MTUS2: variants seen among roughly 807,000 people sequenced by gnomAD.
The protein encoded by MTUS2 is microtubule associated scaffold protein 2.
Under a neutral mutation model 114.1 loss-of-function variants are expected in MTUS2, and 40 were observed. The observed-to-expected ratio is 0.35, with a 90% confidence interval of 0.27 to 0.46. The LOEUF is 0.46. Ranked by LOEUF, MTUS2 falls within the 20% of genes least tolerant of loss-of-function variation. MTUS2 has a pLI of 1.00. For missense variants in MTUS2, 1,679 were observed against 1,705.4 expected, an observed-to-expected ratio of 0.98 and a Z score of 0.27; for synonymous variants, 688 against 672.0, an observed-to-expected ratio of 1.02 and a Z score of -0.37.
chr13:29,031,272 T>TGTGTGTGTGTG (rs1593400903), intron 3 of MTUS2, among the ~76,000 whole-genome samples: 5 of 134,296 alleles, frequency 3.7e-5, no homozygotes, highest in South Asian at 5.0e-4. Context: ...GTGTGTGTGG[T>TGTGTGTGTGTG]GTGTGTTCAC....
chr13:28,846,672 A>G (rs1485491937), intron 2 of MTUS2, among the ~76,000 whole-genome samples: 1 of 152,234 alleles, frequency 6.6e-6, no homozygotes, highest in Admixed American at 6.5e-5. Flanking sequence ...TGCATTCAGA[A>G]AACAAAGTAG....
chr13:28,926,957 A>C (rs1881359759), intron 2 of MTUS2, among the ~76,000 whole-genome samples: 2 of 152,202 alleles, frequency 1.3e-5, no homozygotes, highest in South Asian at 4.1e-4. Context: ...TTTTTTGGCC[A>C]ATGTGGGCAT....
At chr13:29,035,536 A>C (rs1887022223) in intron 4 of MTUS2, among the ~76,000 whole-genome samples, 1 of 152,196 alleles carries the variant, frequency 6.6e-6, no homozygotes. Flanking sequence ...GCTTTGCTAG[A>C]ATCCCTGGTG....
chr13:29,359,129 C>A (rs989788188), intron 7 of MTUS2, 133 bp from the exon 8 acceptor site: 8 of 861,418 alleles, frequency 9.3e-6, no homozygotes, highest in Non-Finnish European at 1.4e-5. Context: ...TCTTTTCAAT[C>A]CTTAAAAATG....
At chr13:29,251,537 A>G (rs562199484) in intron 5 of MTUS2, among the ~76,000 whole-genome samples, 3 of 152,106 alleles carry the variant, frequency 2.0e-5, no homozygotes, top group African/African-American at 7.2e-5. Flanking sequence ...TCATCATCCA[A>G]AACAGAAACT....
At chr13:29,482,257 G>A (rs570640763) in intron 10 of MTUS2, 1 of 152,252 alleles carries the variant, frequency 6.6e-6, no homozygotes, top group Non-Finnish European at 1.5e-5. Flanking sequence ...GCTGAGGGGA[G>A]CATCTCCACT....
rs1169875500 is a variant in MTUS2, at chr13:28,891,858, C to CAAA, written c.-243+52030_-243+52032dup. Among the ~76,000 whole-genome samples the CAAA allele has an allele frequency of 1.3e-3, 67 of 52,106 alleles. 1 individual carries two copies. The highest frequency in any genetic ancestry group is 0.012 in the Middle Eastern group (1 of 86). The allele number at this position is 52,106 out of a possible 152,430, so 34.2% of individuals were successfully genotyped here. On this transcript the variant is annotated intron_variant, in intron 2 of 15. Transcript: ENST00000612955. ...ACGCCACTGCACAGAGACTCTGTCTCAAAAAAAAAAAAAAAAAAAAAAAAG... is the reference window on the plus strand; with the variant it reads ...ACGCCACTGCACAGAGACTCTGTCTCAAAAAAAAAAAAAAAAAAAAAAAAAAAG...
At chr13:28,966,882 T>G (rs1883620974) in intron 2 of MTUS2, among the ~76,000 whole-genome samples, 1 of 152,192 alleles carries the variant, frequency 6.6e-6, no homozygotes, top group Admixed American at 6.5e-5. Context: ...CAGTGTTTCT[T>G]GATTTGAGGG....
intron 2 of MTUS2, among the ~76,000 whole-genome samples, chr13:28,998,783 T>C (rs1885241897): frequency 6.6e-6 from 1 of 152,202 alleles, no homozygotes; most frequent in Non-Finnish European, 1.5e-5. Flanking sequence ...ATTCTAGTTA[T>C]CTATTCGTCT....
At chr13:29,018,061 G>T (rs909346019) in intron 2 of MTUS2, among the ~76,000 whole-genome samples, 6 of 152,314 alleles carry the variant, frequency 3.9e-5, no homozygotes, top group Admixed American at 3.3e-4. Flanking sequence ...CCTGTTTGGT[G>T]GGGGAAGGGA....
At chr13:28,883,938 G>A (rs1878440295) in intron 2 of MTUS2, among the ~76,000 whole-genome samples, 1 of 152,088 alleles carries the variant, frequency 6.6e-6, no homozygotes. Flanking sequence ...TGCATTGGCT[G>A]GGGGGAATGT....
chr13:29,200,102 G>C (rs1344520017), intron 5 of MTUS2, among the ~76,000 whole-genome samples: 2 of 151,086 alleles, frequency 1.3e-5, no homozygotes, highest in Admixed American at 6.6e-5. Context: ...ATTCTGGCTA[G>C]TGGTCTGTCT....
rs771394056 is a variant in MTUS2, at chr13:29,488,021, G to A, written c.3505+16G>A. 8.8e-6 allele frequency: 14 copies of A among 1,593,364 alleles called. No individual in the cohort carries two copies. In the African/African-American group the frequency reaches 9.4e-5, roughly 11 times the overall value. On this transcript the variant is annotated intron_variant, in intron 11 of 15. Coordinates refer to ENST00000612955, the MANE Select transcript of MTUS2 (RefSeq NM_001033602.4). Reference sequence around the variant, plus strand: ...AAAGTCCAAGGTAGCTCCCAGCCTCGTGTGCAGCAGGCAGGGGTGGGTGGT... The same window carrying A: ...AAAGTCCAAGGTAGCTCCCAGCCTCATGTGCAGCAGGCAGGGGTGGGTGGT...
At chr13:28,856,522 C>T (rs988815382) in intron 2 of MTUS2, among the ~76,000 whole-genome samples, 5 of 152,140 alleles carry the variant, frequency 3.3e-5, no homozygotes, top group African/African-American at 1.2e-4. Context: ...CTTGGAAGCC[C>T]AAGCGATAAT....
intron 2 of MTUS2, among the ~76,000 whole-genome samples, chr13:28,861,507 A>G (rs1228864801): frequency 6.7e-6 from 1 of 149,704 alleles, no homozygotes; most frequent in South Asian, 2.1e-4. Flanking sequence ...ATTAAACGAG[A>G]TGATTTTGCA....
In MTUS2 at chr13:29,426,376, G is replaced by A. The variant is rs137865064; in HGVS notation, c.3118-13607G>A. On this transcript the variant is annotated intron_variant, in intron 8 of 15. Transcript: ENST00000612955. ...CTGCTTTAGCCCCATTGTAAGTCAA[G>A]GAGTTTTCTGAATGTGTTACGCCAT... Among the ~76,000 whole-genome samples, 44 of 152,290 alleles carry A rather than the reference G, an allele frequency of 2.9e-4. No individual in the cohort carries two copies. In the East Asian group the frequency reaches 7.3e-3, roughly 25 times the overall value.
At chr13:29,451,857 G>A (rs1023823108) in intron 9 of MTUS2, among the ~76,000 whole-genome samples, 1 of 152,156 alleles carries the variant, frequency 6.6e-6, no homozygotes, top group African/African-American at 2.4e-5. Flanking sequence ...CCAAAGTGCT[G>A]GGATTATAGG....
chr13:29,384,824 G>A (rs148255515), intron 8 of MTUS2, among the ~76,000 whole-genome samples: 1,730 of 152,280 alleles, frequency 0.011, 24 homozygotes, highest in Middle Eastern at 0.02. Flanking sequence ...GCCTGTCTTA[G>A]TTTAAACTGC....
intron 8 of MTUS2, among the ~76,000 whole-genome samples, chr13:29,379,164 C>T (rs1386369107): frequency 1.3e-5 from 2 of 152,194 alleles, no homozygotes; most frequent in Non-Finnish European, 2.9e-5. Flanking sequence ...ATAAATTACC[C>T]AGTCTCAGGT....
Sources: gnomAD v4.1 joint callset for allele counts (sites outside exome capture counted in the v4.1 genomes callset) on GRCh38, gnomAD v4.1.1 for gene constraint, MANE v1.5 for transcripts, NCBI Gene and HGNC (gene_info 2026-07-23, HGNC 2026-07-21) for gene names.